TPM1: variants seen among roughly 807,000 people sequenced by gnomAD.
TPM1 encodes tropomyosin alpha-1 chain.
Under a neutral mutation model 42.9 loss-of-function variants are expected in TPM1, and 24 were observed. The ratio of observed to expected loss-of-function variants is 0.56; its 90% CI spans 0.41 to 0.79. The LOEUF is 0.79. Ranked by LOEUF, TPM1 falls within the 30% of genes least tolerant of loss-of-function variation. The pLI is 0.00. For missense variants in TPM1, 158 were observed against 351.8 expected (o/e 0.45, Z 4.41); for synonymous variants, 136 against 130.1 (o/e 1.05, Z -0.31).
chr15:63,060,140 G>A (rs188710143), intron 4 of TPM1, among the ~76,000 whole-genome samples: 31 of 152,280 alleles, frequency 2.0e-4, no homozygotes, highest in Non-Finnish European at 2.5e-4. Context: ...TATTATCAAC[G>A]CAGGTTTTCA....
chr15:63,043,761 G>A lies in TPM1; in HGVS notation c.115-266G>A, dbSNP rs1030977106. ...TTGCTGCGGGTGTCGGAGGACGAGC[G>A]GGACCGGGTGCTGGAGGAGCTGCAC... On this transcript the variant is annotated intron_variant, in intron 1 of 9. Transcript: ENST00000403994. 8 of 1,549,708 alleles carry A rather than the reference G, an allele frequency of 5.2e-6. No individual in the cohort carries two copies. Among genetic ancestry groups the A allele is most frequent in the Middle Eastern group, 1.7e-4 (1 of 5,848 alleles).
Position 63,048,645 on chromosome 15 carries a change from G to A in TPM1, c.240+4493G>A, listed in dbSNP as rs869025540. ...GAGCCTGCAGGAGCAGGCGGACGCC[G>A]CTGAGGAGCGCGCGGGCACCCTGCA... is the stretch of plus-strand genomic sequence containing the variant. On this transcript the variant is annotated intron_variant, in intron 2 of 9. Coordinates refer to ENST00000403994, the MANE Select transcript of TPM1 (RefSeq NM_001018005.2). 2.0e-6 allele frequency: 3 copies of A among 1,538,306 alleles called. No individual in the cohort carries two copies. Among genetic ancestry groups the A allele is most frequent in the Non-Finnish European group, 2.6e-6 (3 of 1,143,074 alleles).
In TPM1 at chr15:63,060,853, T is replaced by G; in HGVS notation, c.493-16T>G. Reference sequence around the variant, plus strand: ...TGCAAGACCCATGGTGTGTGTGTTGTGTCTTCCTGCTGCAGGTGGCCCGTA... The same window carrying G: ...TGCAAGACCCATGGTGTGTGTGTTGGGTCTTCCTGCTGCAGGTGGCCCGTA... On this transcript the variant is annotated splice_polypyrimidine_tract_variant and intron_variant, in intron 4 of 9. Transcript: ENST00000403994. 6.2e-7 allele frequency: 1 copy of G among 1,614,196 alleles called. No homozygotes were observed. Among genetic ancestry groups the G allele is most frequent in the Middle Eastern group, 1.6e-4 (1 of 6,062 alleles).
At chr15:63,062,158 A>C (rs2035722128) in intron 6 of TPM1, 57 bp from the exon 7 acceptor site, 2 of 1,520,710 alleles carry the variant, frequency 1.3e-6, no homozygotes, top group African/African-American at 1.4e-5. Flanking sequence ...TTTGCATGAG[A>C]AGCCATGAGT....
At chr15:63,055,962 GTAT>G (rs1350102145) in intron 2 of TPM1, 2 of 152,154 alleles carry the variant, frequency 1.3e-5, no homozygotes, top group African/African-American at 4.8e-5. Context: ...AACAGTACTT[GTAT>G]TATTTTTCTT....
Position 63,064,148 on chromosome 15 carries a change from C to T in TPM1, c.851+6C>T, listed in dbSNP as rs375043184. 141 of 1,613,324 alleles carry T rather than the reference C, an allele frequency of 8.7e-5. No individual in the cohort carries two copies. In the African/African-American group the frequency reaches 8.8e-4, roughly 10 times the overall value. Reference sequence around the variant, plus strand: ...CTCAACGATATGACTTCCATGTAAACGTTCATCCACTCTGCCTGCTTACAC... The same window carrying T: ...CTCAACGATATGACTTCCATGTAAATGTTCATCCACTCTGCCTGCTTACAC... On this transcript the variant is annotated splice_donor_region_variant and intron_variant, in intron 9 of 9. Coordinates refer to ENST00000403994, the MANE Select transcript of TPM1 (RefSeq NM_001018005.2).
chr15:63,044,113 C>T lies in TPM1; in HGVS notation c.201C>T (p.Ala67=), dbSNP rs1285090260. Residue 67 remains alanine (A), a synonymous_variant, in exon 2 of 10, where the codon GCC becomes GCT. Coordinates refer to ENST00000403994, the MANE Select transcript of TPM1 (RefSeq NM_001018005.2). ...AATACTCTGAGGCTCTCAAAGATGC[C>T]CAGGAGAAGCTGGAGCTGGCAGAGA... is the stretch of plus-strand genomic sequence containing the variant. The part of the protein sequence containing the change: ...LDKYSEALKD[A]QEKLELAEKK... 6.2e-7 allele frequency: 1 copy of T among 1,614,184 alleles called. No homozygotes were observed. The highest frequency in any genetic ancestry group is 8.5e-7 in the Non-Finnish European group (1 of 1,180,036).
intron 3 of TPM1, among the ~76,000 whole-genome samples, chr15:63,058,117 C>T (rs182197218): frequency 6.5e-4 from 99 of 152,324 alleles, no homozygotes; most frequent in Admixed American, 3.7e-3. Context: ...AGTGTTTCTT[C>T]GCTAACCAAG....
chr15:63,054,065 A>C (rs1396560827), intron 2 of TPM1, among the ~76,000 whole-genome samples: 1 of 151,622 alleles, frequency 6.6e-6, no homozygotes, highest in Non-Finnish European at 1.5e-5. Context: ...ATGCCTAGGG[A>C]TCCTTCTAGC....
At chr15:63,061,566 A>G in intron 5 of TPM1, 147 bp from the exon 6 acceptor site, 2 of 849,832 alleles carry the variant, frequency 2.4e-6, no homozygotes, top group Non-Finnish European at 4.0e-6. Context: ...GAAAACCTAA[A>G]CATTTTAATA....
At position 63,057,738 on chromosome 15, in the gene TPM1, G is replaced by A. The variant is rs1170713586; in HGVS notation, c.374+620G>A. On this transcript the variant is annotated intron_variant, in intron 3 of 9. Coordinates refer to ENST00000403994, the MANE Select transcript of TPM1 (RefSeq NM_001018005.2). ...ATTATTACTCAGATTCAGCTTTGTG[G>A]TAGTAAAGGAAAGCATGGTTCGTAT... Among the ~76,000 whole-genome samples the A allele has an allele frequency of 2.0e-5, 3 of 152,320 alleles. No homozygotes were observed. The East Asian group carries it at 5.8e-4, about 29-fold the overall frequency.
At chr15:63,051,908 T>G (rs930428307) in intron 2 of TPM1, among the ~76,000 whole-genome samples, 1 of 151,820 alleles carries the variant, frequency 6.6e-6, no homozygotes, top group Non-Finnish European at 1.5e-5. Context: ...TTTTTTTTTT[T>G]TTCAAATCTG....
intron 2 of TPM1, among the ~76,000 whole-genome samples, chr15:63,051,045 T>C (rs1206300085): frequency 6.6e-6 from 1 of 152,130 alleles, no homozygotes; most frequent in Non-Finnish European, 1.5e-5. Context: ...CTTCAAAATG[T>C]TGGAATGAGG....
intron 2 of TPM1, 110 bp from the exon 3 acceptor site, chr15:63,056,875 C>G: frequency 1.3e-6 from 2 of 1,485,646 alleles, no homozygotes; most frequent in Non-Finnish European, 9.4e-7. Context: ...AGGTAGCTCA[C>G]CACAAGACAG....
chr15:63,065,872 T>C (rs1179261755), intron 9 of TPM1, 24 bp from the exon 10 acceptor site: 1 of 1,601,688 alleles, frequency 6.2e-7, no homozygotes, highest in African/African-American at 1.3e-5. Context: ...TTTTTTTTCC[T>C]CCCACCTTTT....
chr15:63,048,909 C>T lies in TPM1; in HGVS notation c.240+4757C>T, dbSNP rs757915078. 13 of 705,866 alleles carry T rather than the reference C, an allele frequency of 1.8e-5. No homozygotes were observed. In the African/African-American group the frequency reaches 2.2e-4, roughly 12 times the overall value. The allele number at this position is 705,866 out of a possible 1,614,324, so 43.7% of individuals were successfully genotyped here. On this transcript the variant is annotated intron_variant, in intron 2 of 9. Coordinates refer to ENST00000403994, the MANE Select transcript of TPM1 (RefSeq NM_001018005.2). Reference sequence around the variant, plus strand: ...TCTCCTGAGCCTTTGTTTTCCATCTCGCTGATCCAAAGTAAACGCTCCCAG... The same window carrying T: ...TCTCCTGAGCCTTTGTTTTCCATCTTGCTGATCCAAAGTAAACGCTCCCAG...
chr15:63,065,013 C>T, intron 9 of TPM1: 4 of 985,274 alleles, frequency 4.1e-6, no homozygotes, highest in Non-Finnish European at 3.6e-6. Context: ...TGCTGAGTAA[C>T]CAAGCCTTTA....
chr15:63,048,712 G>T, intron 2 of TPM1: 1 of 1,536,772 alleles, frequency 6.5e-7, no homozygotes, highest in South Asian at 1.2e-5. Flanking sequence ...GAGACCGTAA[G>T]GGATACACCC....
intron 1 of TPM1, 160 bp downstream of exon 1, chr15:63,043,103 C>A: frequency 1.5e-6 from 1 of 663,552 alleles, no homozygotes; most frequent in Non-Finnish European, 2.7e-6. Flanking sequence ...GGAAGGGAAA[C>A]GCAAGAGCCA....
Sources: gnomAD v4.1 joint callset for allele counts (sites outside exome capture counted in the v4.1 genomes callset) on GRCh38, gnomAD v4.1.1 for gene constraint, MANE v1.5 for transcripts, NCBI Gene and HGNC (gene_info 2026-07-23, HGNC 2026-07-21) for gene names.